The following IL4I1 variants were observed in gnomAD, a reference collection of about 807,000 sequenced individuals.
IL4I1 encodes interleukin 4 induced 1, also known as L-amino-acid oxidase.
Under a neutral mutation model 29.7 loss-of-function variants are expected in IL4I1, and 24 were observed. That is an observed-to-expected ratio of 0.81 (90% CI 0.59 to 1.14). The LOEUF (loss-of-function observed/expected upper bound fraction) is 1.14. IL4I1 is among the 50% of genes most tolerant of loss of function. The pLI is 0.00. For synonymous variants in IL4I1, 371 were observed against 352.5 expected (o/e 1.05, Z -0.59); for missense variants, 686 against 785.6 (o/e 0.87, Z 1.52).
At chr19:49,908,165 C>A in intron 2 of IL4I1, 2 of 1,572,464 alleles carry the variant, frequency 1.3e-6, no homozygotes. Context: ...TGCCACAACC[C>A]CAAACTACAG....
rs753980117 is a variant in IL4I1, at chr19:49,890,150, G to C, written c.1224C>G (p.Ala408=). 148 of 1,541,188 alleles carry C rather than the reference G, an allele frequency of 9.6e-5. No individual in the cohort carries two copies. Among genetic ancestry groups the C allele is most frequent in the Non-Finnish European group, 1.3e-4 (146 of 1,143,084 alleles). Reference sequence around the variant, plus strand: ...GCAACGCCTCTTCCCGGCTCAAGCCGGCGAACGCTGCCGCCGCGTCCGACC... The same window carrying C: ...GCAACGCCTCTTCCCGGCTCAAGCCCGCGAACGCTGCCGCCGCGTCCGACC... The part of the protein sequence containing the change: ...YTWSDAAAAF[A]GLSREEALRL... Residue 408 remains alanine (A), a synonymous_variant, in exon 8 of 8, where the codon GCC becomes GCG. Transcript: ENST00000391826.
chr19:49,913,794 GCCA>G (rs954455977), intron 2 of IL4I1, among the ~76,000 whole-genome samples: 31 of 152,304 alleles, frequency 2.0e-4, no homozygotes, highest in African/African-American at 7.2e-4. Flanking sequence ...GGGACTGTGG[GCCA>G]CGTGACAGGC....
At chr19:49,909,277 C>T in intron 2 of IL4I1, 1 of 1,614,046 alleles carries the variant, frequency 6.2e-7, no homozygotes, top group African/African-American at 1.3e-5. Context: ...GGGCTGAATT[C>T]CCTGCTGAGC....
At chr19:49,911,845 G>A (rs1447438529) in intron 2 of IL4I1, among the ~76,000 whole-genome samples, 1 of 152,180 alleles carries the variant, frequency 6.6e-6, no homozygotes, top group Non-Finnish European at 1.5e-5. Context: ...GTCTCTTCAA[G>A]AGGCCACGGC....
rs147987117 is a variant in IL4I1, at chr19:49,895,968, G to A, written c.99C>T (p.Phe33=). 145 of 1,614,042 alleles carry A rather than the reference G, an allele frequency of 9.0e-5. No individual in the cohort carries two copies. Among genetic ancestry groups the A allele is most frequent in the African/African-American group, 8.1e-4 (61 of 74,900 alleles). Residue 33 remains phenylalanine (F), a synonymous_variant, in exon 3 of 8, where the codon TTC becomes TTT. Transcript: ENST00000391826. ...DWKAERSQDP[F]EKCMQDPDYE... is the part of the protein sequence containing the mutation. ...AGTCAGGATCCTGCATGCATTTCTC[G>A]AAGGGGTCTTGGCTGCGTTCAGCCT...
In IL4I1 at chr19:49,921,920, T is replaced by C. The variant is rs1362555825; in HGVS notation, c.-228+5774A>G. Among the ~76,000 whole-genome samples, 1 of 152,142 alleles carries C rather than the reference T, an allele frequency of 6.6e-6. No individual in the cohort carries two copies. The highest frequency in any genetic ancestry group is 2.4e-5 in the African/African-American group (1 of 41,424). Reference sequence around the variant, plus strand: ...AGCGGTGGCTCTCACCTCCCTTCCATCTTGGCAGGATGAGTGCATTTGCTG... The same window carrying C: ...AGCGGTGGCTCTCACCTCCCTTCCACCTTGGCAGGATGAGTGCATTTGCTG... On this transcript the variant is annotated intron_variant, in intron 2 of 9. Coordinates refer to the IL4I1 transcript ENST00000341114. The surrounding 1 kb of genome is among the most constrained non-coding windows in gnomAD (Gnocchi z 5.4).
intron 1 of IL4I1, 111 bp downstream of exon 1, chr19:49,896,724 G>A (rs924251155): frequency 2.4e-5 from 16 of 658,892 alleles, no homozygotes; most frequent in African/African-American, 9.8e-5. Flanking sequence ...ATGAGCCCCC[G>A]CGCCCGGCCT....
intron 1 of IL4I1, chr19:49,928,725 T>C (rs1054808147): frequency 1.3e-5 from 2 of 152,206 alleles, no homozygotes; most frequent in Non-Finnish European, 2.9e-5. Context: ...CTGTGACTCA[T>C]GCTGGACTCT....
At chr19:49,907,755 C>T (rs1127729) in intron 2 of IL4I1, 33,874 of 335,512 alleles carry the variant, frequency 0.1, 1,951 homozygotes, top group Middle Eastern at 0.12. Flanking sequence ...AGGCTGGTCT[C>T]GAACTCCTGA....
At chr19:49,909,770 G>A (rs2075416008) in intron 2 of IL4I1, 3 of 1,614,178 alleles carry the variant, frequency 1.9e-6, no homozygotes, top group Non-Finnish European at 2.5e-6. Flanking sequence ...GAACCCGCCT[G>A]TAGGGGCCCC....
At position 49,890,454 on chromosome 19, in the gene IL4I1, G is replaced by T; in HGVS notation, c.920C>A (p.Ala307Glu). ...VHVQIETSPP[A>E]RNLKVLKADV... ...GGCCTTCAGCACCTTCAGATTCCGC[G>T]CCGGGGGAGAGGTCTCGATCTGCAC... The change falls in exon 8 of 8, where the codon GCG (alanine) becomes GAG (glutamate). Residue 307 changes from alanine (A) to glutamate (E), a missense_variant. Transcript: ENST00000391826. 1 of 1,611,908 alleles carries T rather than the reference G, an allele frequency of 6.2e-7. No individual in the cohort carries two copies.
At position 49,894,412 on chromosome 19, in the gene IL4I1, G is replaced by C; in HGVS notation, c.423C>G (p.Tyr141Ter). Reference sequence around the variant, plus strand: ...GCACCTCCGTCCACGTGTTCTTGTCGTACTGGGTGAACTTGGTCAGGTTGA... The same window carrying C: ...GCACCTCCGTCCACGTGTTCTTGTCCTACTGGGTGAACTTGGTCAGGTTGA... Reference protein sequence around the residue: ...LGLNLTKFTQYDKNTWTEVHE... With the variant: ...LGLNLTKFTQ The change falls in exon 5 of 8, where the codon TAC (tyrosine) becomes TAG (stop). Residue 141 changes from tyrosine (Y) to a stop codon, truncating the protein, a stop_gained. Coordinates refer to ENST00000391826, the MANE Select transcript of IL4I1 (RefSeq NM_152899.2). LOFTEE classifies it high-confidence loss of function. 6.2e-7 allele frequency: 1 copy of C among 1,614,174 alleles called. No homozygotes were observed. Among genetic ancestry groups the C allele is most frequent in the Non-Finnish European group, 8.5e-7 (1 of 1,180,004 alleles).
chr19:49,905,277 G>A (rs2075307318), intron 2 of IL4I1, among the ~76,000 whole-genome samples: 1 of 152,200 alleles, frequency 6.6e-6, no homozygotes, highest in Non-Finnish European at 1.5e-5. Context: ...CCCTGCCAAC[G>A]ACCTTGTGGG....
intron 2 of IL4I1, among the ~76,000 whole-genome samples, chr19:49,924,825 G>C (rs2075847079): frequency 6.6e-6 from 1 of 152,244 alleles, no homozygotes; most frequent in Non-Finnish European, 1.5e-5. Flanking sequence ...CTGGGCTGAA[G>C]TGGGTGGGAC....
At chr19:49,893,917 C>T (rs1043398280) in intron 5 of IL4I1, among the ~76,000 whole-genome samples, 23 of 131,296 alleles carry the variant, frequency 1.8e-4, no homozygotes, top group Admixed American at 9.3e-4. Context: ...ACCTGGGAGG[C>T]GGAGGTTGCA....
chr19:49,889,926 G>T lies in IL4I1; in HGVS notation c.1448C>A (p.Thr483Asn). The change falls in exon 8 of 8, where the codon ACC (threonine) becomes AAC (asparagine). Residue 483 changes from threonine to asparagine, a missense_variant. By Grantham distance (65) the Thr-to-Asn change is moderately conservative (BLOSUM62 0). Coordinates refer to ENST00000391826, the MANE Select transcript of IL4I1 (RefSeq NM_152899.2). ...CTCCACCCAGCCGTGCGGGTAGGCG[G>T]TGTGCTCGCCGGCAAAGTAGATGCG... ...YGRIYFAGEHTAYPHGWVETA... is the reference protein window; with the variant it reads ...YGRIYFAGEHNAYPHGWVETA... The T allele has an allele frequency of 6.2e-7, 1 of 1,607,884 alleles. No individual in the cohort carries two copies.
chr19:49,903,529 C>T (rs1021130920), intron 3 of IL4I1, among the ~76,000 whole-genome samples: 2 of 152,168 alleles, frequency 1.3e-5, no homozygotes, highest in African/African-American at 2.4e-5. Flanking sequence ...ACCTCGCTTC[C>T]GAGCGTGAGG....
intron 3 of IL4I1, among the ~76,000 whole-genome samples, chr19:49,902,834 A>AT (rs373209635): frequency 6.6e-6 from 1 of 151,320 alleles, no homozygotes; most frequent in African/African-American, 2.4e-5. Flanking sequence ...CAAAAAAAAA[A>AT]GGCCAGGTGT....
intron 2 of IL4I1, among the ~76,000 whole-genome samples, chr19:49,920,296 T>C (rs2075733808): frequency 1.3e-5 from 2 of 152,204 alleles, no homozygotes; most frequent in Non-Finnish European, 2.9e-5. Flanking sequence ...TTGGCCAGGA[T>C]GGTATGAATC....
Sources: gnomAD v4.1 joint callset for allele counts (sites outside exome capture counted in the v4.1 genomes callset) on GRCh38, gnomAD v4.1.1 for gene constraint, Gnocchi (gnomAD v3.1) non-coding constraint, MANE v1.5 for transcripts, NCBI Gene and HGNC (gene_info 2026-07-23, HGNC 2026-07-21) for gene names.